PTPRD: variants seen among roughly 807,000 people sequenced by gnomAD.
PTPRD encodes receptor-type tyrosine-protein phosphatase delta.
A neutral mutation model predicts 214.5 loss-of-function variants in PTPRD; 34 were observed. The observed-to-expected ratio is 0.16, with a 90% CI of 0.12 to 0.21. The LOEUF is 0.21. Among genes scored for constraint, PTPRD ranks in the 10% least tolerant of loss-of-function variants. The probability of loss-of-function intolerance (pLI) is 1.00; values close to 1 mark genes in which losing one functional copy is unlikely to be tolerated. For synonymous variants in PTPRD, 1,128 were observed against 845.7 expected (o/e 1.33, Z -5.79); for missense variants, 2,545 against 2,398.7 (o/e 1.06, Z -1.27).
intron 3 of PTPRD, among the ~76,000 whole-genome samples, chr9:10,098,330 C>G (rs1591120245): frequency 7.5e-6 from 1 of 133,240 alleles, no homozygotes; most frequent in East Asian, 2.3e-4. Flanking sequence ...ACATCACACA[C>G]CAGGGATGGT....
At chr9:10,250,059 T>G (rs577205702) in intron 3 of PTPRD, among the ~76,000 whole-genome samples, 1 of 152,258 alleles carries the variant, frequency 6.6e-6, no homozygotes, top group Non-Finnish European at 1.5e-5. Context: ...GACCTCAGCT[T>G]TCATTCTAGT....
intron 30 of PTPRD, among the ~76,000 whole-genome samples, chr9:8,479,242 T>C (rs773954912): frequency 3.9e-5 from 6 of 152,328 alleles, no homozygotes; most frequent in South Asian, 4.1e-4. Flanking sequence ...TTCCAATAAA[T>C]AGAAATCATC....
chr9:8,534,524 A>C (rs1222777476), intron 14 of PTPRD, among the ~76,000 whole-genome samples: 7 of 151,776 alleles, frequency 4.6e-5, no homozygotes, highest in Non-Finnish European at 1.0e-4. Flanking sequence ...CTTTTCTTTG[A>C]CGGGTGGAAA....
intron 21 of PTPRD, among the ~76,000 whole-genome samples, chr9:8,516,955 G>A (rs1359437044): frequency 6.6e-6 from 1 of 151,796 alleles, no homozygotes; most frequent in Non-Finnish European, 1.5e-5. Flanking sequence ...GGAATTACAG[G>A]TGCCTGCTAC....
At chr9:9,504,596 G>A (rs955132564) in intron 8 of PTPRD, among the ~76,000 whole-genome samples, 1 of 151,602 alleles carries the variant, frequency 6.6e-6, no homozygotes, top group Admixed American at 6.6e-5. Context: ...GAGATACAAG[G>A]CAAAGATGCC....
intron 5 of PTPRD, among the ~76,000 whole-genome samples, chr9:9,821,148 T>G (rs758622868): frequency 3.3e-5 from 5 of 152,064 alleles, no homozygotes; most frequent in Non-Finnish European, 7.4e-5. Context: ...TGTTTTCTGT[T>G]AAGTATTTTT....
At chr9:10,068,183 C>G (rs1238763908) in intron 3 of PTPRD, among the ~76,000 whole-genome samples, 1 of 151,866 alleles carries the variant, frequency 6.6e-6, no homozygotes, top group Non-Finnish European at 1.5e-5. Flanking sequence ...CAGGAGAAAG[C>G]ATATCAGACA....
At chr9:8,847,353 A>C (rs1972797) in intron 11 of PTPRD, among the ~76,000 whole-genome samples, 78,099 of 151,838 alleles carry the variant, frequency 0.51, 21,981 homozygotes, top group African/African-American at 0.76. Flanking sequence ...TTGATAACCT[A>C]ACTATAAAAA....
At chr9:9,535,775 T>C (rs1383379920) in intron 8 of PTPRD, among the ~76,000 whole-genome samples, 4 of 152,032 alleles carry the variant, frequency 2.6e-5, no homozygotes, top group African/African-American at 9.7e-5. Context: ...TCTATGTCAT[T>C]AAGAACAGAA....
intron 11 of PTPRD, among the ~76,000 whole-genome samples, chr9:8,865,062 ACAT>A (rs1472575759): frequency 6.6e-6 from 1 of 152,212 alleles, no homozygotes; most frequent in Non-Finnish European, 1.5e-5. Context: ...ATAAAACAGC[ACAT>A]CATCTAGCAT....
chr9:10,118,152 TA>T (rs1188560178), intron 3 of PTPRD, among the ~76,000 whole-genome samples: 3 of 151,938 alleles, frequency 2.0e-5, no homozygotes, highest in African/African-American at 7.2e-5. Flanking sequence ...AGCATTAAAT[TA>T]GAGTGTAATT....
intron 11 of PTPRD, among the ~76,000 whole-genome samples, chr9:8,897,676 A>G (rs11794550): frequency 0.21 from 32,079 of 152,140 alleles, 3,853 homozygotes; most frequent in East Asian, 0.5. Context: ...ACCCTGATGG[A>G]AAGACCTGGC....
chr9:10,064,446 G>A (rs192685467), intron 3 of PTPRD, among the ~76,000 whole-genome samples: 21 of 151,996 alleles, frequency 1.4e-4, no homozygotes, highest in Admixed American at 1.2e-3. Flanking sequence ...GTATCTGGAG[G>A]CAGGAAAATA....
chr9:10,479,335 C>G (rs2099082086), intron 2 of PTPRD, among the ~76,000 whole-genome samples: 3 of 151,972 alleles, frequency 2.0e-5, no homozygotes, highest in Middle Eastern at 3.4e-3. Flanking sequence ...TTTTAAAGAC[C>G]AACACATAGG....
intron 2 of PTPRD, among the ~76,000 whole-genome samples, chr9:10,466,242 A>T (rs765135257): frequency 7.9e-5 from 12 of 152,188 alleles, no homozygotes; most frequent in Non-Finnish European, 4.4e-5. Flanking sequence ...TCTAGCCTGA[A>T]ATTATACTAG....
chr9:10,125,121 T>C (rs1174719139), intron 3 of PTPRD, among the ~76,000 whole-genome samples: 3 of 152,314 alleles, frequency 2.0e-5, no homozygotes, highest in African/African-American at 4.8e-5. Context: ...ATGCTGATGA[T>C]TTTCTGAGGC....
In PTPRD at chr9:10,574,830, A is replaced by ATATATC. The variant is rs142119750; in HGVS notation, c.-600+37567_-600+37568insGATATA. On this transcript the variant is annotated intron_variant, in intron 2 of 45. Coordinates refer to ENST00000381196, the MANE Select transcript of PTPRD (RefSeq NM_002839.4). ...TGTGTGTGCATATATATATATATATATATCTTAGATTCTCTTTCTTCCCCC... is the reference window on the plus strand; with the variant it reads ...TGTGTGTGCATATATATATATATATATATATCTATCTTAGATTCTCTTTCTTCCCCC... 1.6e-3 allele frequency among the ~76,000 whole-genome samples: 242 copies of ATATATC among 149,146 alleles called. 1 individual carries two copies. The highest frequency in any genetic ancestry group is 0.011 in the Middle Eastern group (3 of 264).
intron 3 of PTPRD, among the ~76,000 whole-genome samples, chr9:10,070,317 G>A (rs1366317502): frequency 6.6e-6 from 1 of 151,980 alleles, no homozygotes; most frequent in Non-Finnish European, 1.5e-5. Flanking sequence ...TCAAAGAAAT[G>A]ACAAAGTCAA....
At chr9:8,779,740 G>C (rs374820929) in intron 11 of PTPRD, among the ~76,000 whole-genome samples, 1 of 151,874 alleles carries the variant, frequency 6.6e-6, no homozygotes, top group Non-Finnish European at 1.5e-5. Flanking sequence ...CCAAATCGTG[G>C]GGTTTTGTGA....
Sources: gnomAD v4.1 joint callset for allele counts (sites outside exome capture counted in the v4.1 genomes callset) on GRCh38, gnomAD v4.1.1 for gene constraint, MANE v1.5 for transcripts, NCBI Gene and HGNC (gene_info 2026-07-23, HGNC 2026-07-21) for gene names.